MYO18B: variants seen among roughly 807,000 people sequenced by gnomAD.
MYO18B encodes unconventional myosin-XVIIIb.
In MYO18B, 204 loss-of-function variants were observed where a neutral mutation model predicts 273.0. The ratio of observed to expected loss-of-function variants is 0.75; its 90% CI spans 0.67 to 0.84. The LOEUF is 0.84. Among genes scored for constraint, MYO18B ranks in the 40% least tolerant of loss-of-function variants. MYO18B has a pLI of 0.00. For synonymous variants in MYO18B, 1,330 were observed against 1,305.7 expected, an observed-to-expected ratio of 1.02 and a Z score of -0.40; for missense variants, 3,212 against 3,287.6, an observed-to-expected ratio of 0.98 and a Z score of 0.56.
intron 12 of MYO18B, among the ~76,000 whole-genome samples, chr22:25,799,621 G>A (rs1294092181): frequency 6.6e-6 from 1 of 152,200 alleles, no homozygotes; most frequent in African/African-American, 2.4e-5. Flanking sequence ...TGTTACCTTG[G>A]CGGGGGCAGT....
intron 11 of MYO18B, 126 bp downstream of exon 11, chr22:25,785,617 G>A (rs533383468): frequency 1.0e-6 from 1 of 981,602 alleles, no homozygotes; most frequent in African/African-American, 1.6e-5. Flanking sequence ...GGTTGGTCAT[G>A]TGGAAGAGTT....
At chr22:25,774,747 G>A (rs1278077070) in intron 7 of MYO18B, among the ~76,000 whole-genome samples, 2 of 152,252 alleles carry the variant, frequency 1.3e-5, no homozygotes, top group Non-Finnish European at 2.9e-5. Flanking sequence ...TGGGCTGGGT[G>A]GGGTCTGGAC....
At chr22:25,819,533 AAGAG>A (rs150399015) in intron 12 of MYO18B, among the ~76,000 whole-genome samples, 2,937 of 151,174 alleles carry the variant, frequency 0.019, 107 homozygotes, top group African/African-American at 0.066. Flanking sequence ...CTTCTTAACA[AAGAG>A]AGAGCAGATT....
intron 1 of MYO18B, among the ~76,000 whole-genome samples, chr22:25,753,755 C>G (rs1270766633): frequency 1.3e-5 from 2 of 152,226 alleles, no homozygotes; most frequent in Non-Finnish European, 1.5e-5. Flanking sequence ...CAGCTTTACT[C>G]CTGAAGTCAG....
intron 11 of MYO18B, among the ~76,000 whole-genome samples, chr22:25,790,376 G>A (rs891949678): frequency 6.6e-5 from 10 of 152,166 alleles, no homozygotes; most frequent in South Asian, 2.1e-4. Context: ...TAGTGATAAG[G>A]TGGGCGTCTG....
intron 31 of MYO18B, among the ~76,000 whole-genome samples, chr22:25,907,445 C>G (rs893446669): frequency 1.3e-5 from 2 of 152,050 alleles, no homozygotes; most frequent in African/African-American, 4.8e-5. Context: ...TTTCTGTTTT[C>G]GAAATAATGG....
At chr22:25,778,867 AT>A (rs2087022619) in intron 8 of MYO18B, among the ~76,000 whole-genome samples, 2 of 151,962 alleles carry the variant, frequency 1.3e-5, no homozygotes, top group African/African-American at 4.8e-5. Flanking sequence ...GATTGAAGGC[AT>A]TGAGATTCAG....
At chr22:25,924,747 A>G (rs879787036) in intron 34 of MYO18B, among the ~76,000 whole-genome samples, 23 of 152,176 alleles carry the variant, frequency 1.5e-4, no homozygotes, top group Non-Finnish European at 3.2e-4. Flanking sequence ...GTACTTCTGC[A>G]TGGAGATTGG....
chr22:25,809,795 C>T (rs1384674405), intron 12 of MYO18B, among the ~76,000 whole-genome samples: 7 of 152,062 alleles, frequency 4.6e-5, no homozygotes, highest in African/African-American at 1.7e-4. Context: ...GAAGAAGTGG[C>T]TGGATGCTCT....
intron 38 of MYO18B, among the ~76,000 whole-genome samples, chr22:25,954,473 T>A (rs999960976): frequency 1.3e-5 from 2 of 151,924 alleles, no homozygotes; most frequent in African/African-American, 4.8e-5. Flanking sequence ...CCCCATCCCT[T>A]ATCTGGCACA....
chr22:25,781,734 A>G lies in MYO18B; in HGVS notation c.2212A>G (p.Thr738Ala). ...GGGTGCCCCTCTTCTCTCCCTGCAG[A>G]CAATGCTTTTGGAGAAGAGCCGCGT... ...TGRITAAQLQ[T>A]MLLEKSRVAR... The change falls in exon 10 of 44, where the codon ACA becomes GCA. Residue 738 changes from threonine (T) to alanine (A), a missense_variant and splice_region_variant. Physicochemically the swap from Thr to Ala is moderately conservative, Grantham distance 58. Transcript: ENST00000335473. 6.4e-7 allele frequency: 1 copy of G among 1,552,732 alleles called. No individual in the cohort carries two copies. The highest frequency in any genetic ancestry group is 8.7e-7 in the Non-Finnish European group (1 of 1,151,214).
At chr22:25,993,678 A>G (rs1932930888) in intron 40 of MYO18B, among the ~76,000 whole-genome samples, 1 of 151,890 alleles carries the variant, frequency 6.6e-6, no homozygotes, top group African/African-American at 2.4e-5. Context: ...TGCCATTCAC[A>G]CCTCTCTTAA....
chr22:25,758,055 C>T (rs150575912), intron 1 of MYO18B, among the ~76,000 whole-genome samples: 33 of 152,316 alleles, frequency 2.2e-4, no homozygotes, highest in African/African-American at 7.7e-4. Context: ...ACTCCATTGC[C>T]TAGGCTGGAG....
intron 31 of MYO18B, among the ~76,000 whole-genome samples, chr22:25,905,557 G>A (rs189298584): frequency 1.9e-3 from 284 of 152,316 alleles, no homozygotes; most frequent in African/African-American, 6.5e-3. Context: ...GAAGAGGGAA[G>A]CTGGAGGATG....
chr22:25,848,349 T>A (rs549190515), intron 20 of MYO18B, among the ~76,000 whole-genome samples: 1 of 152,216 alleles, frequency 6.6e-6, no homozygotes, highest in African/African-American at 2.4e-5. Context: ...CTCACAGTGA[T>A]GTAATACCAT....
At chr22:25,800,788 G>A (rs1416691558) in intron 12 of MYO18B, among the ~76,000 whole-genome samples, 1 of 152,230 alleles carries the variant, frequency 6.6e-6, no homozygotes, top group Non-Finnish European at 1.5e-5. Flanking sequence ...GGCAGAGTGG[G>A]GGGGCCCCCG....
chr22:26,017,111 C>CCCTT (rs76444799), intron 42 of MYO18B, among the ~76,000 whole-genome samples: 15,892 of 137,402 alleles, frequency 0.12, 1,413 homozygotes, highest in East Asian at 0.2. Context: ...CTCACTCACT[C>CCCTT]CCTTCCTTCC....
chr22:25,759,098 C>T (rs1021976551), intron 1 of MYO18B, among the ~76,000 whole-genome samples: 2 of 152,072 alleles, frequency 1.3e-5, no homozygotes, highest in Non-Finnish European at 2.9e-5. Flanking sequence ...GACAATTGCA[C>T]AGCTCTGTAA....
At chr22:26,020,023 T>C (rs557504974) in intron 42 of MYO18B, among the ~76,000 whole-genome samples, 1 of 152,198 alleles carries the variant, frequency 6.6e-6, no homozygotes, top group Non-Finnish European at 1.5e-5. Flanking sequence ...AGGTGTGTGA[T>C]GTAGTGGAAG....
Sources: allele counts gnomAD v4.1 joint callset (sites outside exome capture counted in the v4.1 genomes callset), GRCh38; gene constraint gnomAD v4.1.1; transcripts MANE v1.5; gene names NCBI Gene and HGNC (gene_info 2026-07-23, HGNC 2026-07-21).